SLC13A4: variants seen among roughly 807,000 people sequenced by gnomAD.
The protein encoded by SLC13A4 is solute carrier family 13 member 4, also known as Na(+)/sulfate cotransporter SUT-1.
SLC13A4 carries 28 observed loss-of-function variants against 72.7 expected under a neutral mutation model. The ratio of observed to expected loss-of-function variants is 0.39; its 90% CI spans 0.29 to 0.53. The LOEUF (loss-of-function observed/expected upper bound fraction) is 0.53. Among genes scored for constraint, SLC13A4 ranks in the 20% least tolerant of loss-of-function variants. The pLI is 0.78. For missense variants in SLC13A4, 653 were observed against 788.0 expected (o/e 0.83, Z 2.05); for synonymous variants, 312 against 325.5 (o/e 0.96, Z 0.45).
At chr7:135,697,013 C>T (rs1244030596) in intron 8 of SLC13A4, among the ~76,000 whole-genome samples, 1 of 152,218 alleles carries the variant, frequency 6.6e-6, no homozygotes, top group Non-Finnish European at 1.5e-5. Flanking sequence ...CCTCTGTTCT[C>T]CTTACCCTGT....
intron 13 of SLC13A4, among the ~76,000 whole-genome samples, chr7:135,687,938 G>A (rs573512967): frequency 6.6e-6 from 1 of 152,024 alleles, no homozygotes; most frequent in South Asian, 2.1e-4. Flanking sequence ...AGCCTCTTGG[G>A]TAGCTGGGAT....
At chr7:135,706,905 C>T (rs1222128539) in intron 3 of SLC13A4, among the ~76,000 whole-genome samples, 2 of 152,216 alleles carry the variant, frequency 1.3e-5, no homozygotes, top group Admixed American at 6.5e-5. Context: ...TGGAGAAAAA[C>T]ACTAACAAGG....
chr7:135,700,319 TGAA>T (rs1024212025), intron 7 of SLC13A4, among the ~76,000 whole-genome samples: 1 of 152,192 alleles, frequency 6.6e-6, no homozygotes, highest in African/African-American at 2.4e-5. Flanking sequence ...AAGTGTTTCC[TGAA>T]GAAGCAAGTC....
chr7:135,702,574 C>T (rs1361951894), intron 6 of SLC13A4: 2 of 384,178 alleles, frequency 5.2e-6, no homozygotes, highest in Non-Finnish European at 9.6e-6. Flanking sequence ...CGGGGTTTCA[C>T]CATGTTGGCC....
intron 15 of SLC13A4, chr7:135,683,484 C>CG (rs112295777): frequency 5.1e-6 from 5 of 978,484 alleles, no homozygotes; most frequent in African/African-American, 3.5e-5. Context: ...TCCTCTCCCC[C>CG]CCCGCTCAGC....
At chr7:135,684,090 C>A in intron 15 of SLC13A4, 34 bp downstream of exon 15, 2 of 1,566,200 alleles carry the variant, frequency 1.3e-6, no homozygotes, top group Non-Finnish European at 8.7e-7. Flanking sequence ...CTCATGGCAG[C>A]TGGGCCTGGC....
In SLC13A4 at chr7:135,689,225, C is replaced by T. The variant is rs745718531; in HGVS notation, c.1446+1976G>A. Among the ~76,000 whole-genome samples the T allele has an allele frequency of 2.0e-5, 3 of 151,896 alleles. No homozygotes were observed. In the East Asian group the frequency reaches 5.8e-4, roughly 29 times the overall value. ...AAAAATAAAATCTTGCCAGGCCAATCTTGTCAGAGGCCAAAACTAACAACT... is the reference window on the plus strand; with the variant it reads ...AAAAATAAAATCTTGCCAGGCCAATTTTGTCAGAGGCCAAAACTAACAACT... On this transcript the variant is annotated intron_variant, in intron 13 of 15. Transcript: ENST00000682651.
intron 1 of SLC13A4, among the ~76,000 whole-genome samples, chr7:135,724,789 A>C (rs1212475002): frequency 6.6e-6 from 1 of 152,198 alleles, no homozygotes; most frequent in Non-Finnish European, 1.5e-5. Flanking sequence ...CTTTCCATAC[A>C]GTTTCCACTT....
intron 1 of SLC13A4, among the ~76,000 whole-genome samples, chr7:135,722,223 A>C (rs562941448): frequency 1.3e-5 from 2 of 152,022 alleles, no homozygotes; most frequent in South Asian, 4.2e-4. Flanking sequence ...TCCAGCTTGG[A>C]CTACAGGACT....
intron 1 of SLC13A4, 64 bp from the exon 2 acceptor site, chr7:135,721,587 C>T: frequency 6.3e-7 from 1 of 1,595,614 alleles, no homozygotes; most frequent in Non-Finnish European, 8.6e-7. Flanking sequence ...CGTCCGGATG[C>T]AACCCTGGCA....
At chr7:135,719,803 A>G (rs6977150) in intron 2 of SLC13A4, among the ~76,000 whole-genome samples, 16,033 of 104,500 alleles carry the variant, frequency 0.15, 984 homozygotes, top group African/African-American at 0.27. Flanking sequence ...GTGTGTGTGT[A>G]TGTGTGTGTG....
chr7:135,717,262 C>CT (rs113905839), intron 2 of SLC13A4, among the ~76,000 whole-genome samples: 1 of 152,160 alleles, frequency 6.6e-6, no homozygotes, highest in Non-Finnish European at 1.5e-5. Context: ...GTGAGAAATT[C>CT]TTTTTTTCCC....
At chr7:135,703,001 C>G (rs1796076383) in intron 5 of SLC13A4, 117 bp from the exon 6 acceptor site, 2 of 737,074 alleles carry the variant, frequency 2.7e-6, no homozygotes, top group Non-Finnish European at 2.4e-6. Context: ...TTCCAGTTTT[C>G]TAGTCTCCAG....
chr7:135,684,266 AAG>A lies in SLC13A4; in HGVS notation c.1609-7_1609-6del, dbSNP rs1484369027. 9.4e-6 allele frequency: 15 copies of A among 1,589,734 alleles called. No individual in the cohort carries two copies. Among genetic ancestry groups the A allele is most frequent in the Non-Finnish European group, 1.3e-5 (15 of 1,164,560 alleles). ...GTTAATGTGCAGCGTTTCAGACTAG[AAG>A]AGAGAATTCACAGAAACATTCACGA... On this transcript the variant is annotated splice_polypyrimidine_tract_variant and splice_region_variant and intron_variant, in intron 14 of 15. Coordinates refer to ENST00000682651, the MANE Select transcript of SLC13A4 (RefSeq NM_001318192.2).
intron 7 of SLC13A4, among the ~76,000 whole-genome samples, chr7:135,700,561 T>C (rs1796009253): frequency 6.6e-6 from 1 of 152,234 alleles, no homozygotes; most frequent in Non-Finnish European, 1.5e-5. Context: ...GGAAGAGACC[T>C]CAAAGATTCT....
chr7:135,718,207 A>G (rs866259018), intron 2 of SLC13A4, among the ~76,000 whole-genome samples: 1 of 151,898 alleles, frequency 6.6e-6, no homozygotes, highest in Non-Finnish European at 1.5e-5. Flanking sequence ...GAGGGGAGAG[A>G]TGACATTTTG....
At position 135,701,740 on chromosome 7, in the gene SLC13A4, C is replaced by G. The variant is rs201939716; in HGVS notation, c.654G>C (p.Ser218=). The G allele has an allele frequency of 1.2e-6, 2 of 1,613,590 alleles. No individual in the cohort carries two copies. The highest frequency in any genetic ancestry group is 1.3e-5 in the African/African-American group (1 of 74,872). Residue 218 remains serine (S), a synonymous_variant, in exon 7 of 16, where the codon TCG becomes TCC. Transcript: ENST00000682651. ...TTGCAGTTTTGATGGGGTTGGTGAT[C>G]GAGGGCACACCATTCAGGTTCTGTT... is the stretch of plus-strand genomic sequence containing the variant. The part of the protein sequence containing the change: ...MHNENLNGVP[S]ITNPIKTANQ...
chr7:135,683,493 G>T (rs890438566), intron 15 of SLC13A4: 4 of 983,822 alleles, frequency 4.1e-6, no homozygotes, highest in Non-Finnish European at 4.8e-6. Flanking sequence ...CCCCCGCTCA[G>T]CCCTGGATAC....
At chr7:135,726,610 G>A (rs1796664154) in intron 1 of SLC13A4, among the ~76,000 whole-genome samples, 1 of 152,204 alleles carries the variant, frequency 6.6e-6, no homozygotes, top group African/African-American at 2.4e-5. Context: ...AGGAGGGTGT[G>A]ACAGGCAAGC....
Sources: gnomAD v4.1 joint callset for allele counts (sites outside exome capture counted in the v4.1 genomes callset) on GRCh38, gnomAD v4.1.1 for gene constraint, MANE v1.5 for transcripts, NCBI Gene and HGNC (gene_info 2026-07-23, HGNC 2026-07-21) for gene names.